The following XIRP2 variants were observed in gnomAD, a reference collection of about 807,000 sequenced individuals.
XIRP2 encodes xin actin-binding repeat-containing protein 2.
Under a neutral mutation model 277.0 loss-of-function variants are expected in XIRP2, and 236 were observed. The ratio of observed to expected loss-of-function variants is 0.85; its 90% CI spans 0.77 to 0.95. The LOEUF (loss-of-function observed/expected upper bound fraction) is 0.95. XIRP2 is among the 40% of genes least tolerant of loss of function. The pLI, the probability that XIRP2 is intolerant of heterozygous loss-of-function variation, is 0.00. For synonymous variants in XIRP2, 1,490 were observed against 1,416.5 expected, an observed-to-expected ratio of 1.05 and a Z score of -1.17; for missense variants, 4,640 against 4,157.5, an observed-to-expected ratio of 1.12 and a Z score of -3.19.
At chr2:167,241,235 TAA>T (rs112523537) in intron 7 of XIRP2, among the ~76,000 whole-genome samples, 4 of 149,122 alleles carry the variant, frequency 2.7e-5, no homozygotes, top group African/African-American at 9.8e-5. Context: ...CCTGAAGAGC[TAA>T]AAAAAAAACA....
Position 167,249,045 on chromosome 2 carries a change from T to C in XIRP2, c.7653T>C (p.Tyr2551=), listed in dbSNP as rs755257814. The part of the protein sequence containing the change: ...KTPLMIAEEK[Y]RQQKEEIEKQ... ...CTTTAATGATTGCTGAAGAAAAATATAGACAACAAAAAGAAGAAATTGAAA... is the reference window on the plus strand; with the variant it reads ...CTTTAATGATTGCTGAAGAAAAATACAGACAACAAAAAGAAGAAATTGAAA... The change falls in exon 9 of 11, where the codon TAT becomes TAC. Residue 2551 remains tyrosine, a synonymous_variant. Coordinates refer to ENST00000409195, the MANE Select transcript of XIRP2 (RefSeq NM_152381.6). The C allele has an allele frequency of 3.9e-5, 63 of 1,611,362 alleles. No individual in the cohort carries two copies. The East Asian group carries it at 1.1e-3, about 28-fold the overall frequency.
chr2:166,981,051 T>G (rs1450345098), intron 2 of XIRP2, among the ~76,000 whole-genome samples: 1 of 152,174 alleles, frequency 6.6e-6, no homozygotes. Flanking sequence ...CCCTCCAACT[T>G]GAACACTTGT....
chr2:166,986,988 A>G (rs1291994442), intron 2 of XIRP2, among the ~76,000 whole-genome samples: 1 of 152,236 alleles, frequency 6.6e-6, no homozygotes, highest in Non-Finnish European at 1.5e-5. Context: ...AGGCATAGAA[A>G]TCACTGAATT....
At chr2:166,965,090 G>A (rs1686395179) in intron 2 of XIRP2, among the ~76,000 whole-genome samples, 2 of 151,868 alleles carry the variant, frequency 1.3e-5, no homozygotes, top group Admixed American at 1.3e-4. Flanking sequence ...GTGCTGCAAT[G>A]CAAAAGTGAT....
chr2:167,094,575 TC>T (rs769619960), intron 2 of XIRP2, among the ~76,000 whole-genome samples: 2 of 152,196 alleles, frequency 1.3e-5, no homozygotes, highest in Non-Finnish European at 2.9e-5. Flanking sequence ...AATTAGGGAA[TC>T]CTTTCCCTAT....
chr2:167,214,226 G>GGAAGGAAGGA lies in XIRP2; in HGVS notation c.723+3331_723+3332insGAAGGAAGGA, dbSNP rs1559024057. On this transcript the variant is annotated intron_variant, in intron 4 of 10. Transcript: ENST00000409195. ...AAAGAGAGGGAGGGAGGGAGGGAGGGAGGAAGGAAGGAAGGAAGGAAGGAA... is the reference window on the plus strand; with the variant it reads ...AAAGAGAGGGAGGGAGGGAGGGAGGGGAAGGAAGGAAGGAAGGAAGGAAGGAAGGAAGGAA... Among the ~76,000 whole-genome samples the GGAAGGAAGGA allele has an allele frequency of 7.0e-3, 470 of 67,328 alleles. 42 individuals carry two copies. Among genetic ancestry groups the GGAAGGAAGGA allele is most frequent in the Admixed American group, 0.027 (184 of 6,826 alleles). 44.2% of individuals were successfully genotyped at this position (67,328 alleles called of 152,430 possible).
chr2:166,908,408 G>A (rs1320897414), intron 2 of XIRP2, among the ~76,000 whole-genome samples: 1 of 152,168 alleles, frequency 6.6e-6, no homozygotes, highest in African/African-American at 2.4e-5. Flanking sequence ...CTGCATAAAT[G>A]TCTTCTTTTG....
intron 7 of XIRP2, among the ~76,000 whole-genome samples, chr2:167,241,003 C>T (rs1281652528): frequency 6.6e-6 from 1 of 152,116 alleles, no homozygotes; most frequent in Non-Finnish European, 1.5e-5. Context: ...CTCTGAATTC[C>T]TTTTTGCCTC....
intron 2 of XIRP2, among the ~76,000 whole-genome samples, chr2:167,129,280 G>T (rs1486055406): frequency 6.6e-6 from 1 of 152,070 alleles, no homozygotes; most frequent in Non-Finnish European, 1.5e-5. Flanking sequence ...GTGTACACGA[G>T]CTAGCTCAGC....
intron 2 of XIRP2, among the ~76,000 whole-genome samples, chr2:167,098,540 C>T (rs571517460): frequency 2.6e-5 from 4 of 152,354 alleles, no homozygotes; most frequent in African/African-American, 9.6e-5. Flanking sequence ...AAGCCTACTT[C>T]TGTCAATTCA....
At chr2:167,004,231 C>T (rs546901440) in intron 2 of XIRP2, among the ~76,000 whole-genome samples, 1 of 151,960 alleles carries the variant, frequency 6.6e-6, no homozygotes, top group South Asian at 2.1e-4. Context: ...CATATTTTAG[C>T]TGCAGGTATG....
Position 167,247,398 on chromosome 2 carries a change from G to T in XIRP2, c.6006G>T (p.Gly2002=). 6.2e-7 allele frequency: 1 copy of T among 1,613,726 alleles called. No homozygotes were observed. ...CAGATACTCTCAGTCAAACTATGGG[G>T]AAATCTTGCCATGGCAATTTAGTAG... ...GGADTLSQTM[G]KSCHGNLVEE... is the part of the protein sequence containing the mutation. Residue 2002 remains glycine, a synonymous_variant, in exon 9 of 11, where the codon GGG becomes GGT. Transcript: ENST00000409195.
In XIRP2 at chr2:167,239,911, A is replaced by T; in HGVS notation, c.915A>T (p.Arg305Ser). ...GTSRSSQEMA[R>S]NEQEGSKVQK... is the part of the protein sequence containing the mutation. ...CAAGAAGCAGCCAGGAAATGGCAAG[A>T]AATGAACAAGAAGGGTCCAAAGTAC... Residue 305 changes from arginine to serine, a missense_variant, in exon 6 of 11, where the codon AGA (arginine) becomes AGT (serine). Arg to Ser is a moderately radical substitution (Grantham distance 110). Transcript: ENST00000409195. 1.2e-6 allele frequency: 2 copies of T among 1,608,850 alleles called. No homozygotes were observed. The highest frequency in any genetic ancestry group is 4.5e-5 in the East Asian group (2 of 44,728).
chr2:167,186,281 G>A (rs936672096), intron 3 of XIRP2, among the ~76,000 whole-genome samples: 2 of 152,054 alleles, frequency 1.3e-5, no homozygotes, highest in African/African-American at 4.8e-5. Context: ...TTAATATGCT[G>A]GAATATCACT....
Position 167,087,208 on chromosome 2 carries a change from G to A in XIRP2, c.409-48701G>A, listed in dbSNP as rs572158854. On this transcript the variant is annotated intron_variant, in intron 2 of 10. Transcript: ENST00000409195. ...TCTGTTGGAATACCCTGCCGTGTGAGGTGTCAGTGTACCCCTGCTGGGGGA... is the reference window on the plus strand; with the variant it reads ...TCTGTTGGAATACCCTGCCGTGTGAAGTGTCAGTGTACCCCTGCTGGGGGA... Among the ~76,000 whole-genome samples, 483 of 152,322 alleles carry A rather than the reference G, an allele frequency of 3.2e-3. 1 individual carries two copies. Among genetic ancestry groups the A allele is most frequent in the Middle Eastern group, 0.01 (3 of 294 alleles).
intron 2 of XIRP2, among the ~76,000 whole-genome samples, chr2:167,019,821 T>C (rs1687933229): frequency 6.6e-6 from 1 of 152,076 alleles, no homozygotes. Context: ...GTTGTTACAC[T>C]TACCCCATCT....
At position 167,243,554 on chromosome 2, in the gene XIRP2, A is replaced by C; in HGVS notation, c.2162A>C (p.Glu721Ala). The C allele has an allele frequency of 6.2e-7, 1 of 1,614,060 alleles. No homozygotes were observed. The highest frequency in any genetic ancestry group is 8.5e-7 in the Non-Finnish European group (1 of 1,179,992). The part of the protein sequence containing the change: ...DEVHLLQLRS[E>A]LKEIKGNVKR... ...GTTCATTTACTGCAGCTTAGGTCTG[A>C]GCTCAAAGAAATTAAGGGAAATGTT... Residue 721 changes from glutamate (E) to alanine (A), a missense_variant, in exon 9 of 11, where the codon GAG becomes GCG. Coordinates refer to ENST00000409195, the MANE Select transcript of XIRP2 (RefSeq NM_152381.6).
intron 2 of XIRP2, among the ~76,000 whole-genome samples, chr2:166,965,417 T>A (rs1017147018): frequency 6.6e-6 from 1 of 151,890 alleles, no homozygotes; most frequent in African/African-American, 2.4e-5. Context: ...TCTCAATGAC[T>A]GTGGAATTCA....
chr2:167,192,500 G>A (rs1173577732), intron 3 of XIRP2, among the ~76,000 whole-genome samples: 5 of 152,116 alleles, frequency 3.3e-5, no homozygotes, highest in African/African-American at 4.8e-5. Context: ...AGTGAACTAT[G>A]TTTTTGTAAA....
Sources: allele counts gnomAD v4.1 joint callset (sites outside exome capture counted in the v4.1 genomes callset), GRCh38; gene constraint gnomAD v4.1.1; transcripts MANE v1.5; gene names NCBI Gene and HGNC (gene_info 2026-07-23, HGNC 2026-07-21).